The following EEF1E1 variants were observed in gnomAD, a reference collection of about 807,000 sequenced individuals.
The protein encoded by EEF1E1 is eukaryotic translation elongation factor 1 epsilon 1.
Under a neutral mutation model 19.9 loss-of-function variants are expected in EEF1E1, and 19 were observed. The ratio of observed to expected loss-of-function variants is 0.95; its 90% confidence interval spans 0.66 to 1.40. EEF1E1 has a LOEUF of 1.40. EEF1E1 is among the 40% of genes most tolerant of loss of function. The pLI, the probability that EEF1E1 is intolerant of heterozygous loss-of-function variation, is 0.00. For synonymous variants in EEF1E1, 81 were observed against 80.0 expected, an observed-to-expected ratio of 1.01 and a Z score of -0.07; for missense variants, 198 against 202.2, an observed-to-expected ratio of 0.98 and a Z score of 0.13.
intron 3 of EEF1E1, among the ~76,000 whole-genome samples, chr6:8,080,483 G>A (rs1561880931): frequency 6.6e-6 from 1 of 152,188 alleles, no homozygotes. Flanking sequence ...AGATGAAGGA[G>A]GCTGAGTAAA....
At position 8,084,587 on chromosome 6, in the gene EEF1E1, A is replaced by C. The variant is rs77095344; in HGVS notation, c.385-4557T>G. Among the ~76,000 whole-genome samples, 272 of 152,354 alleles carry C rather than the reference A, an allele frequency of 1.8e-3. 3 individuals carry two copies. Among genetic ancestry groups the C allele is most frequent in the African/African-American group, 6.3e-3 (261 of 41,586 alleles). On this transcript the variant is annotated intron_variant, in intron 3 of 3. Transcript: ENST00000379715. ...ATGACAGCCCGATGCTACAGCAAGC[A>C]AGATCTTGTGGGTCTGAACAGACGT...
intron 2 of EEF1E1, among the ~76,000 whole-genome samples, chr6:8,092,870 T>TG (rs376062090): frequency 0.021 from 698 of 33,138 alleles, 54 homozygotes; most frequent in South Asian, 0.047. Flanking sequence ...TAAAGACTGC[T>TG]TTTTTTTTTT....
chr6:8,093,866 T>C (rs1758091748), intron 2 of EEF1E1, among the ~76,000 whole-genome samples: 1 of 151,860 alleles, frequency 6.6e-6, no homozygotes, highest in Non-Finnish European at 1.5e-5. Flanking sequence ...GGAGTGACCC[T>C]GGCTCACTGC....
intron 3 of EEF1E1, among the ~76,000 whole-genome samples, chr6:8,087,808 ATG>A (rs1228732236): frequency 1.3e-5 from 1 of 79,692 alleles, no homozygotes; most frequent in East Asian, 4.1e-4. Flanking sequence ...GAAAAGACAC[ATG>A]TGAGAGGCAT....
At chr6:8,081,659 C>G (rs185941270) in intron 3 of EEF1E1, among the ~76,000 whole-genome samples, 1 of 152,010 alleles carries the variant, frequency 6.6e-6, no homozygotes, top group Non-Finnish European at 1.5e-5. Flanking sequence ...AGAAAATGTA[C>G]GATTTATTAA....
chr6:8,101,885 C>T (rs1050560622), intron 1 of EEF1E1: 3 of 1,263,568 alleles, frequency 2.4e-6, no homozygotes, highest in Non-Finnish European at 3.1e-6. Flanking sequence ...TTCTCTCTGC[C>T]ATTTATGGTG....
chr6:8,098,082 G>A (rs1413522073), intron 1 of EEF1E1, among the ~76,000 whole-genome samples: 1 of 151,660 alleles, frequency 6.6e-6, no homozygotes, highest in Non-Finnish European at 1.5e-5. Flanking sequence ...TTTTTGGGAA[G>A]ACTGCTGCTC....
At chr6:8,096,804 C>T (rs1195269905) in intron 2 of EEF1E1, among the ~76,000 whole-genome samples, 1 of 152,040 alleles carries the variant, frequency 6.6e-6, no homozygotes, top group East Asian at 1.9e-4. Flanking sequence ...ATTCTCAAAA[C>T]AGGGAAAGGT....
intron 3 of EEF1E1, among the ~76,000 whole-genome samples, chr6:8,089,299 G>T (rs1168041378): frequency 9.9e-5 from 15 of 152,208 alleles, no homozygotes; most frequent in Non-Finnish European, 2.2e-4. Flanking sequence ...AAGATAAGCG[G>T]TGTATTAGTC....
In EEF1E1 at chr6:8,084,875, G is replaced by C. The variant is rs1271397142; in HGVS notation, c.385-4845C>G. Among the ~76,000 whole-genome samples, 5 of 152,198 alleles carry C rather than the reference G, an allele frequency of 3.3e-5. 1 individual carries two copies. The highest frequency in any genetic ancestry group is 7.3e-5 in the Non-Finnish European group (5 of 68,032). On this transcript the variant is annotated intron_variant, in intron 3 of 3. Coordinates refer to ENST00000379715, the MANE Select transcript of EEF1E1 (RefSeq NM_004280.5). Reference sequence around the variant, plus strand: ...CTGTGTTTAGGCTGCCACCAGGAGAGAGATGCTTAGATACCTTAGCAGCAA... The same window carrying C: ...CTGTGTTTAGGCTGCCACCAGGAGACAGATGCTTAGATACCTTAGCAGCAA...
At chr6:8,087,345 G>A (rs1757887110) in intron 3 of EEF1E1, among the ~76,000 whole-genome samples, 1 of 152,216 alleles carries the variant, frequency 6.6e-6, no homozygotes. Context: ...AGCCTCTGGA[G>A]TAGCTGGGAT....
At chr6:8,076,926 A>T (rs1199241819), downstream of EEF1E1, among the ~76,000 whole-genome samples, 1 of 142,582 alleles carries the variant, frequency 7.0e-6, no homozygotes, top group East Asian at 2.2e-4. Flanking sequence ...ATGTAGCATG[A>T]TTTTTTTTGT....
chr6:8,077,679 G>C (rs117967540), downstream of EEF1E1, among the ~76,000 whole-genome samples: 113 of 152,316 alleles, frequency 7.4e-4, 1 homozygote, highest in East Asian at 0.018. Context: ...CCTGGATTAA[G>C]AGAATGTTGT....
rs192943830 is a variant in EEF1E1, at chr6:8,079,933, C to A, written c.482G>T (p.Ser161Ile). Reference protein sequence around the residue: ...HYPGIRQHLSSVVFIKNRLYT... With the variant: ...HYPGIRQHLSIVVFIKNRLYT... The stretch of plus-strand genomic sequence containing the variant: ...TAGTCTGTTCTTGATGAAGACAACA[C>A]TAGACAGATGTTGCCTGATGCCTGG... The change falls in exon 4 of 4, where the codon AGT becomes ATT. Residue 161 changes from serine to isoleucine, a missense_variant. Ser to Ile is a moderately radical substitution (Grantham distance 142). Coordinates refer to ENST00000379715, the MANE Select transcript of EEF1E1 (RefSeq NM_004280.5). 1 of 1,613,170 alleles carries A rather than the reference C, an allele frequency of 6.2e-7. No homozygotes were observed.
chr6:8,078,033 T>C (rs1378775893), downstream of EEF1E1, among the ~76,000 whole-genome samples: 1 of 152,138 alleles, frequency 6.6e-6, no homozygotes, highest in Non-Finnish European at 1.5e-5. Flanking sequence ...TACCTCCACA[T>C]CTCAAAGTGC....
At chr6:8,101,278 A>T in intron 1 of EEF1E1, among the ~76,000 whole-genome samples, 1 of 120,496 alleles carries the variant, frequency 8.3e-6, no homozygotes, top group Non-Finnish European at 1.7e-5. Context: ...ATATATATAT[A>T]TATATGGCAC....
chr6:8,091,376 C>A (rs144773319), intron 2 of EEF1E1, among the ~76,000 whole-genome samples: 8 of 152,284 alleles, frequency 5.3e-5, no homozygotes, highest in African/African-American at 1.7e-4. Flanking sequence ...CTTTTGAAAT[C>A]AGGATATTGG....
At chr6:8,095,068 C>T (rs563870012) in intron 2 of EEF1E1, among the ~76,000 whole-genome samples, 2 of 152,304 alleles carry the variant, frequency 1.3e-5, no homozygotes, top group African/African-American at 4.8e-5. Context: ...GGATTTTCAA[C>T]TGCTCAGGGT....
At chr6:8,095,375 C>A in intron 2 of EEF1E1, 1 of 423,614 alleles carries the variant, frequency 2.4e-6, no homozygotes, top group Non-Finnish European at 4.8e-6. Context: ...TGGTGGTGCA[C>A]ACCTGTAATC....
Sources: allele counts gnomAD v4.1 joint callset (sites outside exome capture counted in the v4.1 genomes callset), GRCh38; gene constraint gnomAD v4.1.1; transcripts MANE v1.5; gene names NCBI Gene and HGNC (gene_info 2026-07-23, HGNC 2026-07-21).